Variants in KPNB1 observed in about 807,000 individuals in gnomAD.
KPNB1 encodes karyopherin subunit beta 1, also known as importin subunit beta-1.
KPNB1 carries 7 observed loss-of-function variants against 113.0 expected under a neutral mutation model. That is an observed-to-expected ratio of 0.06 (90% CI 0.04 to 0.12). The LOEUF is 0.12. Among genes scored for constraint, KPNB1 ranks in the 10% least tolerant of loss-of-function variants. KPNB1 has a pLI of 1.00. For synonymous variants in KPNB1, 363 were observed against 378.6 expected (o/e 0.96, Z 0.48); for missense variants, 400 against 1,054.8 (o/e 0.38, Z 8.60).
rs1381920569 is a variant in KPNB1, at chr17:47,683,522, A to G, written c.*1118A>G. The G allele has an allele frequency of 2.0e-5, 3 of 152,618 alleles. No individual in the cohort carries two copies. Among genetic ancestry groups the G allele is most frequent in the Non-Finnish European group, 4.4e-5 (3 of 68,048 alleles). 9.5% of individuals were successfully genotyped at this position (152,618 alleles called of 1,614,324 possible). On this transcript the variant is annotated 3_prime_UTR_variant, in exon 22 of 22. Transcript: ENST00000290158. ...TGCCAAAGAGTTTAGAAAAATAAATATACAATAAAAGTAAACACATACACA... is the reference window on the plus strand; with the variant it reads ...TGCCAAAGAGTTTAGAAAAATAAATGTACAATAAAAGTAAACACATACACA...
chr17:47,677,199 A>C, intron 17 of KPNB1, 72 bp downstream of exon 17: 1 of 1,162,686 alleles, frequency 8.6e-7, no homozygotes, highest in Non-Finnish European at 1.2e-6. Context: ...ATAGTTAAAT[A>C]TCGACCAGGC....
At position 47,652,873 on chromosome 17, in the gene KPNB1, C is replaced by A; in HGVS notation, c.279C>A (p.Asn93Lys). The A allele has an allele frequency of 1.3e-6, 2 of 1,584,106 alleles. No homozygotes were observed. Among genetic ancestry groups the A allele is most frequent in the South Asian group, 1.2e-5 (1 of 85,654 alleles). Reference protein sequence around the residue: ...IDANARREVKNYVLQTLGTET... With the variant: ...IDANARREVKKYVLQTLGTET... The stretch of plus-strand genomic sequence containing the variant: ...CTAATGCTCGACGAGAAGTCAAGAA[C>A]TATGTGAGTAACGCTTATCTGTTTG... Residue 93 changes from asparagine to lysine, a missense_variant, in exon 3 of 22, where the codon AAC (asparagine) becomes AAA (lysine). This residue lies in a region of KPNB1 where 285 missense variants were observed against 627.0 expected (regional missense o/e 0.45). Coordinates refer to ENST00000290158, the MANE Select transcript of KPNB1 (RefSeq NM_002265.6).
rs2030897113 is a variant in KPNB1 at position 47,684,857 on chromosome 17, T to C, written c.*2453T>C. The C allele has an allele frequency of 6.6e-6, 1 of 152,592 alleles. No homozygotes were observed. Among genetic ancestry groups the C allele is most frequent in the Non-Finnish European group, 1.5e-5 (1 of 68,060 alleles). 9.5% of individuals were successfully genotyped at this position (152,592 alleles called of 1,614,324 possible). A position where few individuals can be genotyped will look rare whatever the true frequency, so the allele number is the denominator to read the frequency against. On this transcript the variant is annotated 3_prime_UTR_variant, in exon 22 of 22. Transcript: ENST00000290158. ...TTCTCCTCTTTTCTAGTTAACCTTT[T>C]GCCAGTGGGTTTTCCATAGTCTGGG...
At chr17:47,653,716 C>G (rs186967085) in intron 3 of KPNB1, among the ~76,000 whole-genome samples, 1 of 152,194 alleles carries the variant, frequency 6.6e-6, no homozygotes, top group Non-Finnish European at 1.5e-5. Flanking sequence ...ATCATACTTG[C>G]TATTTCCTGG....
intron 19 of KPNB1, among the ~76,000 whole-genome samples, chr17:47,679,085 A>AT (rs370136574): frequency 0.022 from 3,065 of 138,900 alleles, 76 homozygotes; most frequent in African/African-American, 0.061. Context: ...ATGCCCAGCT[A>AT]TTTTTTTTTT....
chr17:47,677,619 G>T (rs1051146975), intron 17 of KPNB1, among the ~76,000 whole-genome samples: 3 of 152,102 alleles, frequency 2.0e-5, no homozygotes, highest in African/African-American at 7.2e-5. Context: ...TGCTCTATTA[G>T]AGATTTTTAA....
chr17:47,679,985 C>T (rs759306124), intron 19 of KPNB1, 35 bp from the exon 20 acceptor site: 1 of 1,456,146 alleles, frequency 6.9e-7, no homozygotes, highest in Non-Finnish European at 9.6e-7. Context: ...GCATGAGCCA[C>T]CGCACCCGAC....
intron 16 of KPNB1, among the ~76,000 whole-genome samples, chr17:47,676,806 GC>G (rs2030626774): frequency 9.7e-6 from 1 of 102,620 alleles, no homozygotes. Context: ...GGAGAGCAAG[GC>G]TTTTTTTTTT....
At position 47,652,946 on chromosome 17, in the gene KPNB1, A is replaced by C. The variant is rs1053137628; in HGVS notation, c.282+70A>C. The C allele has an allele frequency of 2.5e-6, 3 of 1,219,896 alleles. No homozygotes were observed. In the African/African-American group the frequency reaches 4.6e-5, roughly 19 times the overall value. 75.6% of individuals were successfully genotyped at this position (1,219,896 alleles called of 1,614,324 possible). On this transcript the variant is annotated intron_variant, in intron 3 of 21. Transcript: ENST00000290158. ...AAATCGCTTTCTCAGATCTTTTGCT[A>C]TTTGCATGGGATAGAGCTAACAGTG...
chr17:47,653,271 ATTT>A (rs3067142), intron 3 of KPNB1, among the ~76,000 whole-genome samples: 4 of 109,844 alleles, frequency 3.6e-5, no homozygotes, highest in East Asian at 2.5e-4. Context: ...AGCTCAGGGA[ATTT>A]TTTTTTTTTT....
intron 15 of KPNB1, among the ~76,000 whole-genome samples, chr17:47,675,155 ATT>A (rs2030558037): frequency 6.6e-6 from 1 of 151,786 alleles, no homozygotes; most frequent in Non-Finnish European, 1.5e-5. Flanking sequence ...GTCTCACTAT[ATT>A]GCTCAGGCTG....
rs776121730 is a variant in KPNB1 at position 47,674,623 on chromosome 17, T to A, written c.1768-15T>A. On this transcript the variant is annotated splice_polypyrimidine_tract_variant and intron_variant, in intron 14 of 21. Transcript: ENST00000290158. ...TTTGGAATCAACTGATCTTGAACTC[T>A]TACTCATTTCACAGAATGTTCTTCG... 112 of 1,610,812 alleles carry A rather than the reference T, an allele frequency of 7.0e-5. No individual in the cohort carries two copies. Among genetic ancestry groups the A allele is most frequent in the Middle Eastern group, 3.3e-4 (2 of 6,072 alleles).
chr17:47,650,244 C>A lies in KPNB1; in HGVS notation c.-1C>A. On this transcript the variant is annotated 5_prime_UTR_variant, in exon 1 of 22. Coordinates refer to ENST00000290158, the MANE Select transcript of KPNB1 (RefSeq NM_002265.6). Reference sequence around the variant, plus strand: ...GAGTCGCCGCCGCCGCCACCTCCGCCATGGAGCTGATCACCATTCTCGAGA... The same window carrying A: ...GAGTCGCCGCCGCCGCCACCTCCGCAATGGAGCTGATCACCATTCTCGAGA... 1 of 1,592,282 alleles carries A rather than the reference C, an allele frequency of 6.3e-7. No homozygotes were observed. The highest frequency in any genetic ancestry group is 8.5e-7 in the Non-Finnish European group (1 of 1,171,846).
intron 19 of KPNB1, 151 bp downstream of exon 19, chr17:47,678,564 T>C: frequency 1.6e-6 from 1 of 618,466 alleles, no homozygotes; most frequent in Non-Finnish European, 2.9e-6. Context: ...ATGAAGAGAG[T>C]GGCTTGGGGA....
At chr17:47,664,870 T>C (rs567041982) in intron 8 of KPNB1, among the ~76,000 whole-genome samples, 187 bp from the exon 9 acceptor site, 2 of 152,318 alleles carry the variant, frequency 1.3e-5, no homozygotes, top group East Asian at 1.9e-4. Flanking sequence ...ACCTATATTA[T>C]ATGGCCTAAA....
chr17:47,668,130 A>C, intron 9 of KPNB1, 56 bp from the exon 10 acceptor site: 1 of 1,401,602 alleles, frequency 7.1e-7, no homozygotes, highest in Non-Finnish European at 1.0e-6. Flanking sequence ...GAGGACCTTT[A>C]GAGTTAAAAT....
In KPNB1 at chr17:47,682,435, C is replaced by G. The variant is rs747915912; in HGVS notation, c.*31C>G. On this transcript the variant is annotated 3_prime_UTR_variant, in exon 22 of 22. Transcript: ENST00000290158. ...TACCATTGGGATGATAACCTGAGGACCCCCACTGGAAATCTCCCATCTTTT... is the reference window on the plus strand; with the variant it reads ...TACCATTGGGATGATAACCTGAGGAGCCCCACTGGAAATCTCCCATCTTTT... 3 of 779,864 alleles carry G rather than the reference C, an allele frequency of 3.8e-6. No homozygotes were observed. Among genetic ancestry groups the G allele is most frequent in the South Asian group, 2.7e-5 (2 of 74,572 alleles). 48.3% of individuals were successfully genotyped at this position (779,864 alleles called of 1,614,324 possible).
At chr17:47,675,361 G>GTTGTTTTTTTTTTTTTTTTTTT (rs1567894260) in intron 15 of KPNB1, among the ~76,000 whole-genome samples, 5 of 88,692 alleles carry the variant, frequency 5.6e-5, no homozygotes, top group African/African-American at 9.3e-5. Context: ...CAGAGGTGTT[G>GTTGTTTTTTTTTTTTTTTTTTT]TTTTTTTTTT....
intron 21 of KPNB1, 111 bp from the exon 22 acceptor site, chr17:47,682,293 T>C (rs2030808561): frequency 4.0e-6 from 3 of 745,418 alleles, no homozygotes; most frequent in Non-Finnish European, 7.5e-6. Flanking sequence ...CCTTGAAATG[T>C]TGACAAATTC....
Sources: allele counts gnomAD v4.1 joint callset (sites outside exome capture counted in the v4.1 genomes callset), GRCh38; gene constraint gnomAD v4.1.1; regional missense constraint gnomAD v4.1.1; transcripts MANE v1.5; gene names NCBI Gene and HGNC (gene_info 2026-07-23, HGNC 2026-07-21).